DENND1A: variants seen among roughly 807,000 people sequenced by gnomAD.
The protein encoded by DENND1A is DENN domain-containing protein 1A.
Under a neutral mutation model 113.7 loss-of-function variants are expected in DENND1A, and 51 were observed. That is an observed-to-expected ratio of 0.45 (90% confidence interval 0.36 to 0.57). The LOEUF is 0.57. DENND1A is among the 20% of genes least tolerant of loss of function. The probability of loss-of-function intolerance (pLI) is 0.00; values close to 1 mark genes in which losing one functional copy is unlikely to be tolerated. For synonymous variants in DENND1A, 565 were observed against 570.8 expected (o/e 0.99, Z 0.14); for missense variants, 1,258 against 1,395.9 (o/e 0.90, Z 1.57).
intron 12 of DENND1A, among the ~76,000 whole-genome samples, chr9:123,565,568 G>A (rs1024196163): frequency 6.6e-6 from 1 of 152,192 alleles, no homozygotes; most frequent in African/African-American, 2.4e-5. Flanking sequence ...TAAGGACTAA[G>A]GCAAGTTGAT....
chr9:123,396,226 A>G (rs879855667), intron 21 of DENND1A, among the ~76,000 whole-genome samples: 6 of 152,208 alleles, frequency 3.9e-5, no homozygotes, highest in Non-Finnish European at 7.3e-5. Flanking sequence ...GGAGATGTTA[A>G]TAGGCATCAT....
chr9:123,727,176 A>G (rs1191560493), intron 5 of DENND1A, among the ~76,000 whole-genome samples: 1 of 152,226 alleles, frequency 6.6e-6, no homozygotes, highest in Non-Finnish European at 1.5e-5. Context: ...CACTGAAGGA[A>G]ATATAATGAG....
intron 2 of DENND1A, among the ~76,000 whole-genome samples, chr9:123,822,053 A>G (rs1362184893): frequency 6.6e-6 from 1 of 152,164 alleles, no homozygotes; most frequent in African/African-American, 2.4e-5. Context: ...AGCTACCACA[A>G]TCATAACTAT....
At chr9:123,464,551 A>G (rs954281155) in intron 13 of DENND1A, among the ~76,000 whole-genome samples, 1 of 152,186 alleles carries the variant, frequency 6.6e-6, no homozygotes, top group Non-Finnish European at 1.5e-5. Context: ...ACAGAGACAG[A>G]AAGAATGGTG....
intron 8 of DENND1A, among the ~76,000 whole-genome samples, chr9:123,652,541 C>T (rs190954501): frequency 2.3e-4 from 35 of 152,296 alleles, no homozygotes; most frequent in Non-Finnish European, 4.0e-4. Flanking sequence ...AGAACCTTCC[C>T]GATGTGCTGT....
chr9:123,618,444 C>T (rs1589377005), intron 10 of DENND1A, among the ~76,000 whole-genome samples: 1 of 152,280 alleles, frequency 6.6e-6, no homozygotes, highest in East Asian at 1.9e-4. Flanking sequence ...AAAACCAGGC[C>T]AATGCTCAGG....
intron 20 of DENND1A, among the ~76,000 whole-genome samples, chr9:123,408,693 C>T (rs1338294772): frequency 2.0e-5 from 3 of 152,194 alleles, no homozygotes; most frequent in African/African-American, 7.2e-5. Context: ...CTAGTCACCT[C>T]CTGCATTAGC....
intron 2 of DENND1A, among the ~76,000 whole-genome samples, chr9:123,830,749 C>A (rs1057368511): frequency 2.0e-5 from 3 of 151,164 alleles, no homozygotes; most frequent in African/African-American, 7.3e-5. Flanking sequence ...GCCTGTAATC[C>A]CAGCTACTCG....
intron 5 of DENND1A, among the ~76,000 whole-genome samples, chr9:123,698,756 G>C (rs549877982): frequency 1.1e-4 from 17 of 152,284 alleles, no homozygotes; most frequent in African/African-American, 4.1e-4. Flanking sequence ...GCAACCAAAA[G>C]AACAGCTTGG....
intron 10 of DENND1A, among the ~76,000 whole-genome samples, chr9:123,615,977 T>C (rs1160157909): frequency 6.6e-6 from 1 of 152,210 alleles, no homozygotes. Flanking sequence ...TTGCCCAGGC[T>C]AGAGTGCAGT....
chr9:123,671,046 T>C (rs2063738374), intron 7 of DENND1A, among the ~76,000 whole-genome samples: 1 of 152,086 alleles, frequency 6.6e-6, no homozygotes, highest in Non-Finnish European at 1.5e-5. Flanking sequence ...CAAGAGATGC[T>C]GGTGATGGGA....
intron 2 of DENND1A, among the ~76,000 whole-genome samples, chr9:123,817,126 T>C (rs967722126): frequency 6.6e-6 from 1 of 152,164 alleles, no homozygotes; most frequent in Non-Finnish European, 1.5e-5. Context: ...TGTTACCCAA[T>C]GGTAACATTG....
chr9:123,409,907 C>A (rs892083017), intron 20 of DENND1A, among the ~76,000 whole-genome samples: 1 of 152,084 alleles, frequency 6.6e-6, no homozygotes, highest in Non-Finnish European at 1.5e-5. Context: ...CTGGCTAACA[C>A]AGTGAAACCC....
intron 19 of DENND1A, among the ~76,000 whole-genome samples, chr9:123,434,478 TCAA>T (rs1167591581): frequency 6.6e-6 from 1 of 152,196 alleles, no homozygotes; most frequent in African/African-American, 2.4e-5. Flanking sequence ...AGCAAGTGCT[TCAA>T]CAACAATCAA....
chr9:123,423,279 C>T (rs762458914), intron 19 of DENND1A, among the ~76,000 whole-genome samples: 10 of 152,232 alleles, frequency 6.6e-5, no homozygotes, highest in Admixed American at 2.0e-4. Flanking sequence ...AACTCACCGG[C>T]CCCTTTTGCA....
chr9:123,537,340 A>G (rs1320525244), intron 13 of DENND1A, among the ~76,000 whole-genome samples: 1 of 151,924 alleles, frequency 6.6e-6, no homozygotes, highest in African/African-American at 2.4e-5. Context: ...GAAAACCAGA[A>G]AACTTCAAAA....
At chr9:123,553,500 T>C (rs2057248682) in intron 13 of DENND1A, among the ~76,000 whole-genome samples, 1 of 151,714 alleles carries the variant, frequency 6.6e-6, no homozygotes, top group South Asian at 2.1e-4. Flanking sequence ...CTGTCAATGA[T>C]GTCTAAGAAG....
chr9:123,611,811 T>C (rs1229639819), intron 10 of DENND1A, among the ~76,000 whole-genome samples: 1 of 152,220 alleles, frequency 6.6e-6, no homozygotes, highest in African/African-American at 2.4e-5. Flanking sequence ...TATGTAGACT[T>C]TAATGCTACA....
chr9:123,790,427 T>C (rs1832832024), intron 3 of DENND1A, among the ~76,000 whole-genome samples: 1 of 151,852 alleles, frequency 6.6e-6, no homozygotes, highest in South Asian at 2.1e-4. Flanking sequence ...TTGGAAGAGA[T>C]AAATAAATCT....
Sources: gnomAD v4.1 joint callset for allele counts (sites outside exome capture counted in the v4.1 genomes callset) on GRCh38, gnomAD v4.1.1 for gene constraint, MANE v1.5 for transcripts, NCBI Gene and HGNC (gene_info 2026-07-23, HGNC 2026-07-21) for gene names.